Variants in RBFOX1 observed in about 807,000 individuals in gnomAD.
RBFOX1 encodes RNA binding protein fox-1 homolog 1.
RBFOX1 carries 8 observed loss-of-function variants against 57.7 expected under a neutral mutation model. The ratio of observed to expected loss-of-function variants is 0.14; its 90% CI spans 0.08 to 0.25. The LOEUF (loss-of-function observed/expected upper bound fraction) is 0.25, where lower values mean the gene tolerates loss of function less well. RBFOX1 is among the 10% of genes least tolerant of loss of function. RBFOX1 has a pLI of 1.00. For synonymous variants in RBFOX1, 326 were observed against 222.4 expected (o/e 1.47, Z -4.15); for missense variants, 611 against 548.5 (o/e 1.11, Z -1.14).
chr16:6,514,530 A>G (rs80114958), intron 2 of RBFOX1, among the ~76,000 whole-genome samples: 2 of 152,228 alleles, frequency 1.3e-5, no homozygotes, highest in African/African-American at 4.8e-5. Flanking sequence ...TGTTTCAATG[A>G]TGTTTGTAAA....
intron 2 of RBFOX1, among the ~76,000 whole-genome samples, chr16:6,563,828 A>G (rs1330044084): frequency 6.7e-6 from 1 of 149,824 alleles, no homozygotes. Context: ...CCTGTCTCCA[A>G]AAAAAAAATA....
intron 3 of RBFOX1, among the ~76,000 whole-genome samples, chr16:7,001,098 G>C (rs2092748523): frequency 6.6e-6 from 1 of 152,126 alleles, no homozygotes; most frequent in African/African-American, 2.4e-5. Flanking sequence ...GTTCATGTGA[G>C]AAAAATAGGG....
chr16:6,508,255 C>G (rs568049958), intron 2 of RBFOX1, among the ~76,000 whole-genome samples: 1 of 152,226 alleles, frequency 6.6e-6, no homozygotes, highest in Admixed American at 6.5e-5. Context: ...GGAAAAATAA[C>G]TAATGGGTAC....
At chr16:5,767,217 C>T (rs1351556880) in intron 3 of RBFOX1, among the ~76,000 whole-genome samples, 1 of 152,206 alleles carries the variant, frequency 6.6e-6, no homozygotes, top group Non-Finnish European at 1.5e-5. Context: ...AAAGAATCTA[C>T]AAGACAGCAT....
intron 3 of RBFOX1, among the ~76,000 whole-genome samples, chr16:5,780,319 C>T (rs2054285642): frequency 6.6e-6 from 1 of 152,154 alleles, no homozygotes. Context: ...TTTTTATTAT[C>T]TTTCTTACCT....
At chr16:6,944,696 G>T (rs907937494) in intron 3 of RBFOX1, among the ~76,000 whole-genome samples, 1 of 152,190 alleles carries the variant, frequency 6.6e-6, no homozygotes, top group Admixed American at 6.5e-5. Context: ...TCATGGTTCA[G>T]TACATGGTTT....
intron 1 of RBFOX1, among the ~76,000 whole-genome samples, chr16:6,208,284 C>G (rs2097268477): frequency 6.6e-6 from 1 of 151,572 alleles, no homozygotes; most frequent in African/African-American, 2.4e-5. Context: ...TTAACTTTTG[C>G]TTTATACATG....
At chr16:5,982,305 G>T (rs12922049) in intron 4 of RBFOX1, among the ~76,000 whole-genome samples, 1 of 151,282 alleles carries the variant, frequency 6.6e-6, no homozygotes, top group Non-Finnish European at 1.5e-5. Flanking sequence ...ATGGAGTCTC[G>T]CTCTGTTGCA....
intron 3 of RBFOX1, among the ~76,000 whole-genome samples, chr16:5,740,558 A>C (rs1252944317): frequency 2.0e-5 from 3 of 152,264 alleles, no homozygotes; most frequent in African/African-American, 7.2e-5. Flanking sequence ...AATGATAAGC[A>C]GAAAGGGAAT....
chr16:5,532,806 C>G (rs950657774), intron 2 of RBFOX1, among the ~76,000 whole-genome samples: 1 of 152,112 alleles, frequency 6.6e-6, no homozygotes, highest in African/African-American at 2.4e-5. Flanking sequence ...GGTTGTGAGG[C>G]AGAGAGAAAT....
intron 3 of RBFOX1, among the ~76,000 whole-genome samples, chr16:5,805,254 G>A (rs976125360): frequency 6.6e-5 from 10 of 152,106 alleles, no homozygotes; most frequent in Admixed American, 5.2e-4. Context: ...GTTAGAGAGG[G>A]TCAGACAGGA....
At chr16:6,091,627 C>T (rs1244608519) in intron 1 of RBFOX1, among the ~76,000 whole-genome samples, 10 of 152,094 alleles carry the variant, frequency 6.6e-5, no homozygotes, top group East Asian at 1.9e-4. Context: ...GTCATGAGTT[C>T]GAGACCAGCC....
intron 3 of RBFOX1, among the ~76,000 whole-genome samples, chr16:6,840,802 G>C (rs1174560400): frequency 6.6e-6 from 1 of 150,692 alleles, no homozygotes; most frequent in Non-Finnish European, 1.5e-5. Context: ...CAGGAGAATT[G>C]CTTGATCCTG....
chr16:5,921,652 T>A (rs967760526), intron 4 of RBFOX1, among the ~76,000 whole-genome samples: 2 of 152,290 alleles, frequency 1.3e-5, no homozygotes, highest in African/African-American at 4.8e-5. Context: ...AAGAAATACC[T>A]GAGGCTGGGT....
intron 4 of RBFOX1, among the ~76,000 whole-genome samples, chr16:7,297,133 G>A (rs182685135): frequency 2.6e-5 from 4 of 152,282 alleles, no homozygotes; most frequent in Admixed American, 2.6e-4. Context: ...TACCTCCTGA[G>A]CTTTCTCTTC....
At chr16:5,526,529 T>G (rs2044252844) in intron 2 of RBFOX1, among the ~76,000 whole-genome samples, 1 of 152,146 alleles carries the variant, frequency 6.6e-6, no homozygotes, top group South Asian at 2.1e-4. Flanking sequence ...CCTCAAGAGA[T>G]CTGCCCACCT....
intron 3 of RBFOX1, among the ~76,000 whole-genome samples, chr16:6,797,221 A>G (rs2084274728): frequency 6.6e-6 from 1 of 152,162 alleles, no homozygotes. Flanking sequence ...ATCTGTCCAA[A>G]TTGGCCGTGC....
intron 2 of RBFOX1, among the ~76,000 whole-genome samples, chr16:6,506,960 A>G (rs938571759): frequency 3.3e-5 from 5 of 152,042 alleles, no homozygotes; most frequent in African/African-American, 1.2e-4. Context: ...AGTAGTAGCT[A>G]ATCTTTAGTG....
intron 1 of RBFOX1, among the ~76,000 whole-genome samples, chr16:6,181,604 G>C (rs1337623121): frequency 6.6e-6 from 1 of 152,134 alleles, no homozygotes; most frequent in Non-Finnish European, 1.5e-5. Context: ...TTTTAAAACA[G>C]TAACCGTAGT....
Sources: gnomAD v4.1 joint callset for allele counts (sites outside exome capture counted in the v4.1 genomes callset) on GRCh38, gnomAD v4.1.1 for gene constraint, MANE v1.5 for transcripts, NCBI Gene and HGNC (gene_info 2026-07-23, HGNC 2026-07-21) for gene names.